The following TPH2 variants were observed in gnomAD, a reference collection of about 807,000 sequenced individuals.
The protein encoded by TPH2 is tryptophan hydroxylase 2.
A neutral mutation model predicts 59.1 loss-of-function variants in TPH2; 27 were observed. The observed-to-expected ratio is 0.46, with a 90% CI of 0.34 to 0.63. The LOEUF (loss-of-function observed/expected upper bound fraction) is 0.63. TPH2 is among the 30% of genes least tolerant of loss of function. The pLI is 0.01. For missense variants in TPH2, 523 were observed against 588.3 expected (o/e 0.89, Z 1.15); for synonymous variants, 220 against 210.5 (o/e 1.05, Z -0.39).
At chr12:71,974,541 A>T (rs1383726700) in intron 6 of TPH2, among the ~76,000 whole-genome samples, 1 of 151,488 alleles carries the variant, frequency 6.6e-6, no homozygotes, top group Non-Finnish European at 1.5e-5. Flanking sequence ...GACTCTTATG[A>T]TTATATTGGC....
At chr12:71,946,786 G>A (rs1478325442) in intron 4 of TPH2, among the ~76,000 whole-genome samples, 3 of 152,092 alleles carry the variant, frequency 2.0e-5, no homozygotes, top group African/African-American at 4.8e-5. Context: ...TAAGGTTGCC[G>A]AGGCTCCCTA....
At position 72,026,928 on chromosome 12, in the gene TPH2, T is replaced by C. The variant is rs150346562; in HGVS notation, c.1165-4330T>C. ...TACACACATAATGCATTTACACATA[T>C]ACGTATGTATATATTTGTTGTTCTT... On this transcript the variant is annotated intron_variant, in intron 9 of 10. Transcript: ENST00000333850. Among the ~76,000 whole-genome samples, 41 of 152,332 alleles carry C rather than the reference T, an allele frequency of 2.7e-4. No homozygotes were observed. The East Asian group carries it at 3.5e-3, about 13-fold the overall frequency.
In TPH2 at chr12:71,938,951, C is replaced by G. The variant is rs1458783597; in HGVS notation, c.-36C>G. 4.1e-5 allele frequency: 64 copies of G among 1,557,910 alleles called. No homozygotes were observed. Among genetic ancestry groups the G allele is most frequent in the Non-Finnish European group, 5.0e-5 (57 of 1,129,514 alleles). On this transcript the variant is annotated 5_prime_UTR_variant, in exon 1 of 11. Coordinates refer to ENST00000333850, the MANE Select transcript of TPH2 (RefSeq NM_173353.4). Reference sequence around the variant, plus strand: ...AGCGCTGCTACTGCCCCTCTAGTACCCCCTGCTGCAGAGAAAGAATATTAC... The same window carrying G: ...AGCGCTGCTACTGCCCCTCTAGTACGCCCTGCTGCAGAGAAAGAATATTAC...
chr12:72,020,443 A>C (rs990928463), intron 8 of TPH2, among the ~76,000 whole-genome samples: 1 of 152,190 alleles, frequency 6.6e-6, no homozygotes, highest in African/African-American at 2.4e-5. Flanking sequence ...GAGGAGTGGT[A>C]GTAAGTGCTG....
At chr12:71,981,176 G>A (rs912019297) in intron 7 of TPH2, among the ~76,000 whole-genome samples, 1 of 152,198 alleles carries the variant, frequency 6.6e-6, no homozygotes, top group African/African-American at 2.4e-5. Context: ...TTGCAAGTCA[G>A]GGGAAACAGC....
rs148953269 is a variant in TPH2, at chr12:72,028,924, G to A, written c.1165-2334G>A. 3.0e-4 allele frequency among the ~76,000 whole-genome samples: 45 copies of A among 152,280 alleles called. No homozygotes were observed. The East Asian group carries it at 6.6e-3, about 22-fold the overall frequency. On this transcript the variant is annotated intron_variant, in intron 9 of 10. Coordinates refer to ENST00000333850, the MANE Select transcript of TPH2 (RefSeq NM_173353.4). The stretch of plus-strand genomic sequence containing the variant: ...TGTGAACCCACTGGTTTTTCTTGAA[G>A]TCTGGGGCAGAGTGCCGTATGCTCT...
chr12:71,984,665 G>A (rs530934761), intron 7 of TPH2, among the ~76,000 whole-genome samples: 3 of 152,308 alleles, frequency 2.0e-5, no homozygotes, highest in African/African-American at 7.2e-5. Flanking sequence ...TGAGCTTGGT[G>A]CCAAGCCTCC....
Position 71,944,302 on chromosome 12 carries a change from T to A in TPH2, c.264T>A (p.Arg88=). 1 of 1,613,780 alleles carries A rather than the reference T, an allele frequency of 6.2e-7. No individual in the cohort carries two copies. The highest frequency in any genetic ancestry group is 8.5e-7 in the Non-Finnish European group (1 of 1,179,770). ...TGCTCGTGTTTCCACAGGAAAAACG[T>A]GTCAACATGGTTCATATTGAATCCA... ...VKALRLFQEK[R]VNMVHIESRK... Residue 88 remains arginine, a synonymous_variant, in exon 3 of 11, where the codon CGT becomes CGA. Transcript: ENST00000333850.
In TPH2 at chr12:71,949,666, GTA is replaced by G. The variant is rs767448430; in HGVS notation, c.608+14_608+15del. On this transcript the variant is annotated intron_variant, in intron 5 of 10. Transcript: ENST00000333850. ...CATGGGTTATAAATAGTAAGTACCT[GTA>G]TAACTCTTTCTTGTCACTGGCTAGT... is the stretch of plus-strand genomic sequence containing the variant. 1 of 1,606,266 alleles carries G rather than the reference GTA, an allele frequency of 6.2e-7. No homozygotes were observed. The highest frequency in any genetic ancestry group is 1.7e-5 in the Admixed American group (1 of 59,998).
intron 7 of TPH2, among the ~76,000 whole-genome samples, chr12:71,992,930 A>G (rs1344277982): frequency 1.3e-5 from 2 of 152,250 alleles, no homozygotes; most frequent in Non-Finnish European, 1.5e-5. Flanking sequence ...CTTCTTTGCC[A>G]TAAGCAATGT....
At chr12:71,971,654 T>G (rs531140073) in intron 5 of TPH2, among the ~76,000 whole-genome samples, 2 of 152,288 alleles carry the variant, frequency 1.3e-5, no homozygotes, top group Admixed American at 6.5e-5. Context: ...TCAACTCAAG[T>G]TGTGCCTCCT....
intron 9 of TPH2, among the ~76,000 whole-genome samples, chr12:72,023,001 A>G (rs1248118665): frequency 3.3e-5 from 5 of 152,270 alleles, no homozygotes; most frequent in Non-Finnish European, 2.9e-5. Flanking sequence ...AAAACAAACC[A>G]AACAAGTATA....
intron 8 of TPH2, among the ~76,000 whole-genome samples, chr12:72,006,535 G>C (rs1403487718): frequency 6.6e-6 from 1 of 152,018 alleles, no homozygotes; most frequent in Non-Finnish European, 1.5e-5. Context: ...TAGGGGATGA[G>C]GAATCTGATC....
chr12:71,959,804 G>A (rs1329800560), intron 5 of TPH2, among the ~76,000 whole-genome samples: 1 of 152,070 alleles, frequency 6.6e-6, no homozygotes, highest in Non-Finnish European at 1.5e-5. Context: ...TAATTGGGGG[G>A]GGCGTTGCAA....
rs569269563 is a variant in TPH2, at chr12:71,958,764, G to A, written c.608+9109G>A. ...TCAATTGCCAGGGATGTGTCACTCT[G>A]GTTTTTACTAGTTGCTAGCTTATCT... On this transcript the variant is annotated intron_variant, in intron 5 of 10. Transcript: ENST00000333850. Among the ~76,000 whole-genome samples the A allele has an allele frequency of 3.9e-5, 6 of 152,246 alleles. No homozygotes were observed. The South Asian group carries it at 6.2e-4, about 16-fold the overall frequency.
At chr12:71,942,247 G>T (rs371325562) in intron 2 of TPH2, among the ~76,000 whole-genome samples, 6 of 152,044 alleles carry the variant, frequency 3.9e-5, no homozygotes, top group African/African-American at 1.4e-4. Context: ...TATTGTTGGG[G>T]TAGCTCTTCC....
chr12:71,947,766 T>C (rs1335038237), intron 4 of TPH2, among the ~76,000 whole-genome samples: 1 of 152,050 alleles, frequency 6.6e-6, no homozygotes, highest in African/African-American at 2.4e-5. Flanking sequence ...CCCACAACAT[T>C]TGCGTAATCA....
rs755764502 is a variant in TPH2, at chr12:71,994,522, C to T, written c.1025C>T (p.Ala342Val). 2.5e-5 allele frequency: 40 copies of T among 1,613,782 alleles called. No homozygotes were observed. Among genetic ancestry groups the T allele is most frequent in the Admixed American group, 3.3e-5 (2 of 59,982 alleles). Residue 342 changes from alanine to valine, a missense_variant, in exon 8 of 11, where the codon GCG becomes GTG. Transcript: ENST00000333850. ...CAGTTTTCACAAGAAATAGGTCTGG[C>T]GTCTCTGGGAGCATCAGATGAAGAT... ...FAQFSQEIGLASLGASDEDVQ... is the reference protein window; with the variant it reads ...FAQFSQEIGLVSLGASDEDVQ...
chr12:71,952,265 T>G, intron 5 of TPH2, among the ~76,000 whole-genome samples: 1 of 151,986 alleles, frequency 6.6e-6, no homozygotes, highest in East Asian at 1.9e-4. Context: ...GTGATGTCTG[T>G]AGAGAAAAAA....
Sources: gnomAD v4.1 joint callset for allele counts (sites outside exome capture counted in the v4.1 genomes callset) on GRCh38, gnomAD v4.1.1 for gene constraint, MANE v1.5 for transcripts, NCBI Gene and HGNC (gene_info 2026-07-23, HGNC 2026-07-21) for gene names.